Variants in XKR6 observed in about 807,000 individuals in gnomAD.
XKR6 encodes the protein XK-related protein 6.
In XKR6, 22 loss-of-function variants were observed where a neutral mutation model predicts 56.7. That is an observed-to-expected ratio of 0.39 (90% CI 0.28 to 0.55). The LOEUF (loss-of-function observed/expected upper bound fraction) is 0.55. XKR6 is among the 20% of genes least tolerant of loss of function. The pLI is 0.66. For synonymous variants in XKR6, 524 were observed against 387.8 expected (o/e 1.35, Z -4.13); for missense variants, 852 against 889.0 (o/e 0.96, Z 0.53).
chr8:11,130,187 G>C (rs1348557367), intron 1 of XKR6, among the ~76,000 whole-genome samples: 8 of 152,072 alleles, frequency 5.3e-5, no homozygotes, highest in East Asian at 3.8e-4. Context: ...TTGTGTGTAT[G>C]TGTGTATGTA....
intron 1 of XKR6, among the ~76,000 whole-genome samples, chr8:11,001,836 G>A (rs944994370): frequency 5.3e-5 from 8 of 152,172 alleles, no homozygotes; most frequent in South Asian, 2.1e-4. Context: ...AGGGGCAAGC[G>A]GCACTGTGCT....
At chr8:11,100,786 G>A (rs1798441924) in intron 1 of XKR6, among the ~76,000 whole-genome samples, 1 of 152,232 alleles carries the variant, frequency 6.6e-6, no homozygotes, top group Non-Finnish European at 1.5e-5. Flanking sequence ...AGGAAGTTCT[G>A]TTTTTAGTTT....
intron 1 of XKR6, among the ~76,000 whole-genome samples, chr8:11,191,070 G>T (rs1022085479): frequency 4.7e-4 from 71 of 152,026 alleles, no homozygotes; most frequent in African/African-American, 1.6e-3. Context: ...GGACATAGGG[G>T]GCCTTAGGAG....
chr8:11,112,339 T>G (rs143439973), intron 1 of XKR6, among the ~76,000 whole-genome samples: 28 of 152,310 alleles, frequency 1.8e-4, no homozygotes, highest in African/African-American at 6.7e-4. Flanking sequence ...TCTATTACAT[T>G]AACTTTTAGC....
chr8:11,015,473 C>T (rs2129147028), intron 1 of XKR6, among the ~76,000 whole-genome samples: 1 of 152,192 alleles, frequency 6.6e-6, no homozygotes, highest in South Asian at 2.1e-4. Flanking sequence ...CTGCTAGAAA[C>T]CACCCCCCAC....
At chr8:11,063,580 A>T (rs1799901383) in intron 1 of XKR6, among the ~76,000 whole-genome samples, 1 of 151,758 alleles carries the variant, frequency 6.6e-6, no homozygotes, top group Non-Finnish European at 1.5e-5. Flanking sequence ...ATCTATTATT[A>T]CAGCACCCAG....
intron 1 of XKR6, among the ~76,000 whole-genome samples, chr8:10,995,211 G>A (rs988829855): frequency 1.3e-5 from 2 of 152,070 alleles, no homozygotes; most frequent in African/African-American, 4.8e-5. Context: ...ATCCATTTGT[G>A]AGCTGTTAAA....
In XKR6 at chr8:11,013,778, G is replaced by A. The variant is rs143846583; in HGVS notation, c.765-88948C>T. On this transcript the variant is annotated intron_variant, in intron 1 of 2. Transcript: ENST00000416569. ...GTTTGGCAGAATGAATTAAACAAAAGTCAAAACCTACTTCAGCAGGGTTCC... is the reference window on the plus strand; with the variant it reads ...GTTTGGCAGAATGAATTAAACAAAAATCAAAACCTACTTCAGCAGGGTTCC... Among the ~76,000 whole-genome samples the A allele has an allele frequency of 3.5e-3, 535 of 152,342 alleles. 3 individuals carry two copies. Among genetic ancestry groups the A allele is most frequent in the African/African-American group, 0.012 (500 of 41,578 alleles).
chr8:11,027,170 A>C (rs928456864), intron 1 of XKR6, among the ~76,000 whole-genome samples: 1 of 152,248 alleles, frequency 6.6e-6, no homozygotes, highest in Non-Finnish European at 1.5e-5. Flanking sequence ...GGCAGTTGTA[A>C]CACAGTGGTA....
At chr8:11,084,689 G>A (rs1004660797) in intron 1 of XKR6, among the ~76,000 whole-genome samples, 1 of 152,184 alleles carries the variant, frequency 6.6e-6, no homozygotes, top group East Asian at 1.9e-4. Flanking sequence ...CAGAGTTAAT[G>A]TGTGGGAGCT....
chr8:11,108,208 C>T (rs747057007), intron 1 of XKR6: 4 of 447,170 alleles, frequency 8.9e-6, no homozygotes, highest in South Asian at 3.2e-5. Context: ...AACAAATTAA[C>T]CAAATTCAGA....
At chr8:10,972,811 G>C (rs760369425) in intron 1 of XKR6, among the ~76,000 whole-genome samples, 3 of 152,234 alleles carry the variant, frequency 2.0e-5, no homozygotes, top group Non-Finnish European at 2.9e-5. Context: ...CAACAGTGTA[G>C]ATGTACTTAA....
At chr8:11,116,284 C>G (rs1385373597) in intron 1 of XKR6, among the ~76,000 whole-genome samples, 1 of 152,184 alleles carries the variant, frequency 6.6e-6, no homozygotes, top group Non-Finnish European at 1.5e-5. Context: ...CACTCTAAGT[C>G]TTAAACATGC....
Position 10,910,131 on chromosome 8 carries a change from A to C in XKR6, c.962-11215T>G, listed in dbSNP as rs151087033. Among the ~76,000 whole-genome samples the C allele has an allele frequency of 7.5e-3, 1,140 of 152,268 alleles. 22 individuals carry two copies. Among genetic ancestry groups the C allele is most frequent in the African/African-American group, 0.026 (1,087 of 41,518 alleles). On this transcript the variant is annotated intron_variant, in intron 2 of 2. Coordinates refer to ENST00000416569, the MANE Select transcript of XKR6 (RefSeq NM_173683.4). ...TTTTGATTGTCACAACTCGGGGTGC[A>C]GGTGCTGCTGGCATCTGGCAGGTAG...
chr8:11,091,294 C>T (rs903048955), intron 1 of XKR6, among the ~76,000 whole-genome samples: 1 of 151,968 alleles, frequency 6.6e-6, no homozygotes, highest in Admixed American at 6.6e-5. Context: ...ATAAATTAGC[C>T]AGGTGTGGTG....
Position 11,200,947 on chromosome 8 carries a change from C to G in XKR6, c.393G>C (p.Trp131Cys). 1 of 1,587,366 alleles carries G rather than the reference C, an allele frequency of 6.3e-7. No individual in the cohort carries two copies. The highest frequency in any genetic ancestry group is 8.5e-7 in the Non-Finnish European group (1 of 1,171,746). ...AGAACACCAGCAGCGCCAGCACGAT[C>G]CACAGGCAGTCGAGCCACGGCCGCT... Reference protein sequence around the residue: ...QVERPWLDCLWIVLALLVFFG... With the variant: ...QVERPWLDCLCIVLALLVFFG... Residue 131 changes from tryptophan (W) to cysteine (C), a missense_variant, in exon 1 of 3, where the codon TGG becomes TGC. Around this residue, in one of 4 missense-constraint regions of XKR6, gnomAD observed 417 missense variants for 355.2 expected, o/e 1.17. Transcript: ENST00000416569. The surrounding 1 kb of genome is among the most constrained non-coding windows in gnomAD (Gnocchi z 6.4).
At chr8:10,988,736 G>T (rs1435033581) in intron 1 of XKR6, among the ~76,000 whole-genome samples, 1 of 152,214 alleles carries the variant, frequency 6.6e-6, no homozygotes, top group Non-Finnish European at 1.5e-5. Context: ...ACCAAAGGAA[G>T]AAAAGAGATC....
intron 1 of XKR6, among the ~76,000 whole-genome samples, chr8:11,048,933 T>G (rs1228353244): frequency 2.0e-5 from 3 of 152,232 alleles, no homozygotes; most frequent in African/African-American, 7.2e-5. Flanking sequence ...TGGGCTTGGC[T>G]GGCTGCCCAG....
chr8:11,171,341 A>C (rs899611081), intron 1 of XKR6, among the ~76,000 whole-genome samples: 1 of 152,264 alleles, frequency 6.6e-6, no homozygotes, highest in Non-Finnish European at 1.5e-5. Context: ...CGTCTACTTA[A>C]CCACTAATTA....
Sources: gnomAD v4.1 joint callset for allele counts (sites outside exome capture counted in the v4.1 genomes callset) on GRCh38, gnomAD v4.1.1 for gene constraint, gnomAD v4.1.1 regional missense constraint, Gnocchi (gnomAD v3.1) non-coding constraint, MANE v1.5 for transcripts, NCBI Gene and HGNC (gene_info 2026-07-23, HGNC 2026-07-21) for gene names.